GOLGA4: variants seen among roughly 807,000 people sequenced by gnomAD.
GOLGA4 encodes the protein golgin A4.
In GOLGA4, 169 loss-of-function variants were observed where a neutral mutation model predicts 265.9. The ratio of observed to expected loss-of-function variants is 0.64; its 90% confidence interval spans 0.56 to 0.72. GOLGA4 has a LOEUF of 0.72. GOLGA4 is among the 30% of genes least tolerant of loss of function. The pLI, the probability that GOLGA4 is intolerant of heterozygous loss-of-function variation, is 0.00. For synonymous variants in GOLGA4, 923 were observed against 855.8 expected (o/e 1.08, Z -1.37); for missense variants, 2,482 against 2,483.4 (o/e 1.00, Z 0.01).
At chr3:37,308,344 T>C (rs1298631864) in intron 10 of GOLGA4, among the ~76,000 whole-genome samples, 1 of 151,880 alleles carries the variant, frequency 6.6e-6, no homozygotes. Flanking sequence ...TATTTTGTAG[T>C]ATGGCTTAAA....
At chr3:37,289,886 A>G (rs994644562) in intron 5 of GOLGA4, among the ~76,000 whole-genome samples, 1 of 152,012 alleles carries the variant, frequency 6.6e-6, no homozygotes, top group African/African-American at 2.4e-5. Context: ...ACAATTGCAT[A>G]TTTTACTGCT....
chr3:37,266,935 A>G (rs1388832420), intron 2 of GOLGA4: 5 of 1,259,676 alleles, frequency 4.0e-6, no homozygotes, highest in South Asian at 1.2e-5. Flanking sequence ...ACAGAGTGAC[A>G]GTGTGGTGAG....
At chr3:37,304,077 A>G (rs2096900050) in intron 10 of GOLGA4, among the ~76,000 whole-genome samples, 1 of 152,156 alleles carries the variant, frequency 6.6e-6, no homozygotes, top group Non-Finnish European at 1.5e-5. Context: ...TGGCAATGAG[A>G]CATAAATGAG....
intron 16 of GOLGA4, among the ~76,000 whole-genome samples, chr3:37,330,979 C>A (rs1306221061): frequency 6.8e-6 from 1 of 146,144 alleles, no homozygotes; most frequent in Non-Finnish European, 1.5e-5. Flanking sequence ...TGCAGTGAGC[C>A]GAGATTGTGC....
At chr3:37,278,310 A>G (rs984890210) in intron 2 of GOLGA4, among the ~76,000 whole-genome samples, 11 of 151,594 alleles carry the variant, frequency 7.3e-5, no homozygotes, top group Non-Finnish European at 1.3e-4. Flanking sequence ...AACGATTTTC[A>G]TGCCTCAGCC....
Position 37,324,489 on chromosome 3 carries a change from A to G in GOLGA4, c.2603A>G (p.Gln868Arg), listed in dbSNP as rs2150961647. Residue 868 changes from glutamine (Q) to arginine (R), a missense_variant, in exon 14 of 24, where the codon CAG becomes CGG. By Grantham distance (43) the Gln-to-Arg change is conservative. This residue lies in a region of GOLGA4 where 1,536 missense variants were observed against 1,483.7 expected (regional missense o/e 1.04). Transcript: ENST00000361924. ...AHKIQVQDLMQQLEKQNSEME... is the reference protein window; with the variant it reads ...AHKIQVQDLMRQLEKQNSEME... ...AAAATCCAGGTGCAGGACTTAATGC[A>G]GCAACTTGAAAAACAAAATAGTGAA... is the stretch of plus-strand genomic sequence containing the variant. The G allele has an allele frequency of 6.2e-7, 1 of 1,613,954 alleles. No individual in the cohort carries two copies. Among genetic ancestry groups the G allele is most frequent in the East Asian group, 2.2e-5 (1 of 44,892 alleles).
In GOLGA4 at chr3:37,292,403, C is replaced by T. The variant is rs141941736; in HGVS notation, c.583-2576C>T. 7.9e-5 allele frequency among the ~76,000 whole-genome samples: 12 copies of T among 152,192 alleles called. No homozygotes were observed. The East Asian group carries it at 2.3e-3, about 29-fold the overall frequency. ...ATTATTTCATTAAAGTAGTTGTGGC[C>T]GGGCACAGTGGCTCATGCCTACGCC... On this transcript the variant is annotated intron_variant, in intron 5 of 23. Coordinates refer to ENST00000361924, the MANE Select transcript of GOLGA4 (RefSeq NM_002078.5).
intron 17 of GOLGA4, among the ~76,000 whole-genome samples, 154 bp downstream of exon 17, chr3:37,335,320 A>G (rs1406072284): frequency 6.6e-6 from 1 of 152,244 alleles, no homozygotes. Flanking sequence ...CAGATAAACT[A>G]AATGTTCAAA....
Position 37,325,502 on chromosome 3 carries a change from T to A in GOLGA4, c.3616T>A (p.Phe1206Ile), listed in dbSNP as rs2096967506. The change falls in exon 14 of 24, where the codon TTT (phenylalanine) becomes ATT (isoleucine). Residue 1206 changes from phenylalanine (F) to isoleucine (I), a missense_variant. This residue lies in a region of GOLGA4 where 1,536 missense variants were observed against 1,483.7 expected (regional missense o/e 1.04). Coordinates refer to ENST00000361924, the MANE Select transcript of GOLGA4 (RefSeq NM_002078.5). ...AAGCCTAGAGGACAAGAGCTTGGAATTTAAAAAACTGTCTGAGGAACTAGC... is the reference window on the plus strand; with the variant it reads ...AAGCCTAGAGGACAAGAGCTTGGAAATTAAAAAACTGTCTGAGGAACTAGC... ...NKSLEDKSLEFKKLSEELAIQ... is the reference protein window; with the variant it reads ...NKSLEDKSLEIKKLSEELAIQ... 5.6e-6 allele frequency: 9 copies of A among 1,613,792 alleles called. No homozygotes were observed. Among genetic ancestry groups the A allele is most frequent in the Non-Finnish European group, 6.8e-6 (8 of 1,179,824 alleles).
chr3:37,340,235 T>A, intron 20 of GOLGA4, 36 bp downstream of exon 20: 3 of 755,708 alleles, frequency 4.0e-6, no homozygotes, highest in Non-Finnish European at 6.5e-6. Context: ...TTAACTGTTA[T>A]CTTTTATTGG....
intron 2 of GOLGA4, among the ~76,000 whole-genome samples, chr3:37,279,781 C>T (rs1349675092): frequency 1.3e-5 from 2 of 152,004 alleles, no homozygotes; most frequent in Non-Finnish European, 2.9e-5. Flanking sequence ...GTGGCACATG[C>T]CTGTATTCCC....
At chr3:37,265,360 A>G (rs1233476452) in intron 2 of GOLGA4, among the ~76,000 whole-genome samples, 1 of 152,220 alleles carries the variant, frequency 6.6e-6, no homozygotes, top group Non-Finnish European at 1.5e-5. Context: ...TAGAGTTTCA[A>G]ATGTTTCTTC....
intron 16 of GOLGA4, among the ~76,000 whole-genome samples, chr3:37,330,830 C>T (rs2096987606): frequency 1.3e-5 from 2 of 151,996 alleles, no homozygotes; most frequent in South Asian, 2.1e-4. Flanking sequence ...GAGTTCAAGA[C>T]CAGCCTGGCC....
intron 10 of GOLGA4, among the ~76,000 whole-genome samples, chr3:37,314,590 G>T (rs2096931905): frequency 6.6e-6 from 1 of 151,140 alleles, no homozygotes; most frequent in Admixed American, 6.6e-5. Context: ...GCAGTGAGCT[G>T]AGATCGCACC....
chr3:37,285,318 T>C (rs1403053388), intron 3 of GOLGA4, among the ~76,000 whole-genome samples: 1 of 152,324 alleles, frequency 6.6e-6, no homozygotes, highest in Non-Finnish European at 1.5e-5. Context: ...AGTAATGTTA[T>C]GTAACTTCCA....
At position 37,326,439 on chromosome 3, in the gene GOLGA4, CAG is replaced by C. The variant is rs1424542064; in HGVS notation, c.4556_4557del (p.Glu1519ValfsTer21). On this transcript the variant is annotated frameshift_variant, in exon 14 of 24. Transcript: ENST00000361924. LOFTEE classifies it high-confidence loss of function. The stretch of plus-strand genomic sequence containing the variant: ...GAGAAAAAGGAGTCTAATTTAGAAA[CAG>C]AGTTAAAGTCTCAAACAGCAAGAAT... The C allele has an allele frequency of 6.2e-6, 10 of 1,612,044 alleles. No individual in the cohort carries two copies. The highest frequency in any genetic ancestry group is 1.1e-5 in the South Asian group (1 of 90,860).
chr3:37,287,290 A>G lies in GOLGA4; in HGVS notation c.525+1229A>G, dbSNP rs574761909. Among the ~76,000 whole-genome samples the G allele has an allele frequency of 1.3e-3, 204 of 152,314 alleles. 1 individual carries two copies. Among genetic ancestry groups the G allele is most frequent in the African/African-American group, 4.7e-3 (195 of 41,560 alleles). ...TGGGAGGCAGAGGTTGCATTAAGCC[A>G]AGATCGTGCCATTGCACTCCAGCCT... On this transcript the variant is annotated intron_variant, in intron 4 of 23. Coordinates refer to ENST00000361924, the MANE Select transcript of GOLGA4 (RefSeq NM_002078.5).
At chr3:37,362,780 C>CCTTTTTTTTTTTTTT (rs1375290747) in intron 23 of GOLGA4, among the ~76,000 whole-genome samples, 12 of 75,464 alleles carry the variant, frequency 1.6e-4, no homozygotes, top group African/African-American at 3.6e-4. Context: ...AGCCTCTAAG[C>CCTTTTTTTTTTTTTT]TTTTTTTTTT....
intron 3 of GOLGA4, among the ~76,000 whole-genome samples, chr3:37,284,248 C>CTGGTAAA (rs2096842208): frequency 6.6e-6 from 1 of 152,110 alleles, no homozygotes; most frequent in Non-Finnish European, 1.5e-5. Context: ...GGTTGTTACA[C>CTGGTAAA]TGGTAAATGT....
Sources: allele counts gnomAD v4.1 joint callset (sites outside exome capture counted in the v4.1 genomes callset), GRCh38; gene constraint gnomAD v4.1.1; regional missense constraint gnomAD v4.1.1; transcripts MANE v1.5; gene names NCBI Gene and HGNC (gene_info 2026-07-23, HGNC 2026-07-21).